Variants in STIL observed in about 807,000 individuals in gnomAD.
The protein encoded by STIL is SCL-interrupting locus protein.
STIL carries 55 observed loss-of-function variants against 110.1 expected under a neutral mutation model. The ratio of observed to expected loss-of-function variants is 0.50; its 90% confidence interval spans 0.40 to 0.63. The LOEUF is 0.63. STIL is among the 20% of genes least tolerant of loss of function. The probability of loss-of-function intolerance (pLI) is 0.00; values close to 1 mark genes in which losing one functional copy is unlikely to be tolerated. For synonymous variants in STIL, 481 were observed against 530.0 expected (o/e 0.91, Z 1.27); for missense variants, 1,358 against 1,530.0 (o/e 0.89, Z 1.87).
chr1:47,309,755 C>T (rs1303516973), intron 2 of STIL, among the ~76,000 whole-genome samples: 1 of 152,158 alleles, frequency 6.6e-6, no homozygotes, highest in Non-Finnish European at 1.5e-5. Context: ...GTGGCAAGCT[C>T]CTACTTCACT....
At chr1:47,263,210 G>T in intron 14 of STIL, 94 bp from the exon 15 acceptor site, 1 of 1,152,958 alleles carries the variant, frequency 8.7e-7, no homozygotes, top group Non-Finnish European at 1.3e-6. Context: ...GACTCAAGCA[G>T]CACCTGGTTG....
At chr1:47,276,597 CAGG>C (rs1644998527) in intron 12 of STIL, among the ~76,000 whole-genome samples, 1 of 151,652 alleles carries the variant, frequency 6.6e-6, no homozygotes, top group African/African-American at 2.4e-5. Context: ...CACCTGAGGT[CAGG>C]AGTTCGAGAT....
At chr1:47,282,483 G>T in intron 10 of STIL, 24 bp from the exon 11 acceptor site, 1 of 1,440,852 alleles carries the variant, frequency 6.9e-7, no homozygotes, top group Non-Finnish European at 9.8e-7. Context: ...GGGGAGACCA[G>T]AAAAGCCTTT....
At chr1:47,311,498 G>A (rs1238752979) in intron 1 of STIL, among the ~76,000 whole-genome samples, 1 of 151,360 alleles carries the variant, frequency 6.6e-6, no homozygotes, top group Non-Finnish European at 1.5e-5. Context: ...CGTTGCCCAG[G>A]CTGGTCTCGA....
At chr1:47,281,854 T>TA (rs1645165628) in intron 11 of STIL, among the ~76,000 whole-genome samples, 1 of 152,050 alleles carries the variant, frequency 6.6e-6, no homozygotes, top group African/African-American at 2.4e-5. Context: ...TTGGTAGCAA[T>TA]AAAAAAATTA....
At chr1:47,299,033 C>CCCT (rs1645723894) in intron 6 of STIL, among the ~76,000 whole-genome samples, 1 of 142,212 alleles carries the variant, frequency 7.0e-6, no homozygotes. Context: ...TTTACCACCA[C>CCCT]TTTTTTTTTT....
chr1:47,260,649 G>A (rs1442851256), intron 15 of STIL, 110 bp from the exon 16 acceptor site: 3 of 1,172,152 alleles, frequency 2.6e-6, no homozygotes, highest in Non-Finnish European at 2.5e-6. Flanking sequence ...AAGGCAGGAA[G>A]ATCGCTTGAG....
In STIL at chr1:47,287,734, T is replaced by C. The variant is rs1156693748; in HGVS notation, c.1024-74A>G. 1.2e-5 allele frequency: 14 copies of C among 1,153,398 alleles called. No homozygotes were observed. In the South Asian group the frequency reaches 1.5e-4, roughly 13 times the overall value. The allele number at this position is 1,153,398 out of a possible 1,614,324, so 71.4% of individuals were successfully genotyped here. ...CAGAGAATTCTATTTAGATGAAAAGTAGCTCTGAAACACTAGATGATGGAG... is the reference window on the plus strand; with the variant it reads ...CAGAGAATTCTATTTAGATGAAAAGCAGCTCTGAAACACTAGATGATGGAG... On this transcript the variant is annotated intron_variant, in intron 9 of 16. Transcript: ENST00000371877.
chr1:47,274,553 G>A lies in STIL; in HGVS notation c.2218-2312C>T, dbSNP rs1333880843. Among the ~76,000 whole-genome samples the A allele has an allele frequency of 2.7e-5, 4 of 145,570 alleles. No individual in the cohort carries two copies. The South Asian group carries it at 6.9e-4, about 25-fold the overall frequency. ...AGGATGGTCTCGATCTCTTGACCTC[G>A]TGATCCACCCACCTCAGCCTCCCAA... On this transcript the variant is annotated intron_variant, in intron 12 of 16. Transcript: ENST00000371877.
intron 1 of STIL, among the ~76,000 whole-genome samples, chr1:47,311,718 A>G (rs570444358): frequency 1.3e-5 from 2 of 152,256 alleles, no homozygotes; most frequent in Admixed American, 1.3e-4. Context: ...AGAGTTCCTT[A>G]GGTCCTGCAC....
Position 47,263,076 on chromosome 1 carries a change from C to T in STIL, c.2656G>A (p.Val886Met). Residue 886 changes from valine to methionine, a missense_variant, in exon 15 of 17, where the codon GTG (valine) becomes ATG (methionine). Physicochemically the swap from Val to Met is conservative, Grantham distance 21 (BLOSUM62 1). Coordinates refer to ENST00000371877, the MANE Select transcript of STIL (RefSeq NM_001048166.1). The part of the protein sequence containing the change: ...LVVRKEPDVP[V>M]FFPSGQLAES... ...GCCAGCTGGCCACTTGGAAAGAACA[C>T]AGGTACATCAGGTTCTTTTCTCACA... 6.2e-7 allele frequency: 1 copy of T among 1,614,172 alleles called. No homozygotes were observed.
At chr1:47,277,795 C>G (rs1156385389) in intron 12 of STIL, among the ~76,000 whole-genome samples, 1 of 151,888 alleles carries the variant, frequency 6.6e-6, no homozygotes, top group Admixed American at 6.6e-5. Context: ...GTAACTCATT[C>G]AGATCCTTAG....
intron 14 of STIL, among the ~76,000 whole-genome samples, chr1:47,267,500 T>C (rs963770470): frequency 1.3e-5 from 2 of 150,928 alleles, no homozygotes; most frequent in Admixed American, 1.3e-4. Context: ...AGGTCAGGAG[T>C]TCAAGACCAC....
chr1:47,259,641 T>C (rs1277460540), intron 16 of STIL, among the ~76,000 whole-genome samples: 1 of 152,170 alleles, frequency 6.6e-6, no homozygotes, highest in Non-Finnish European at 1.5e-5. Flanking sequence ...GTTGTGGCTT[T>C]TGCATTTTAT....
chr1:47,278,832 A>G (rs1343442388), intron 12 of STIL, among the ~76,000 whole-genome samples: 1 of 152,152 alleles, frequency 6.6e-6, no homozygotes, highest in South Asian at 2.1e-4. Flanking sequence ...AAAAAAAACT[A>G]TACTTTACAA....
At chr1:47,309,968 T>C (rs955796511) in intron 2 of STIL, among the ~76,000 whole-genome samples, 2 of 152,176 alleles carry the variant, frequency 1.3e-5, no homozygotes, top group Non-Finnish European at 2.9e-5. Flanking sequence ...CGAAAATAAT[T>C]GAAGGAGGGA....
chr1:47,254,791 TC>T (rs1485160308), intron 16 of STIL, among the ~76,000 whole-genome samples: 1 of 152,204 alleles, frequency 6.6e-6, no homozygotes, highest in Non-Finnish European at 1.5e-5. Context: ...CATCTTGGCC[TC>T]CCAAAGTGCT....
intron 13 of STIL, among the ~76,000 whole-genome samples, chr1:47,270,255 T>A (rs2981632): frequency 1.7e-5 from 2 of 119,398 alleles, no homozygotes; most frequent in East Asian, 4.9e-4. Flanking sequence ...TATATATATA[T>A]ACACACACAC....
rs146856834 is a variant in STIL, at chr1:47,299,305, C to A, written c.701+600G>T. Among the ~76,000 whole-genome samples the A allele has an allele frequency of 1.4e-4, 22 of 151,894 alleles. No individual in the cohort carries two copies. In the East Asian group the frequency reaches 4.2e-3, roughly 29 times the overall value. On this transcript the variant is annotated intron_variant, in intron 6 of 16. Transcript: ENST00000371877. ...GAGGTTACAGTGAGCCAAGATCCCA[C>A]CACTGCACTCCAGTCTGGGTGACAG... is the stretch of plus-strand genomic sequence containing the variant.
Sources: gnomAD v4.1 joint callset for allele counts (sites outside exome capture counted in the v4.1 genomes callset) on GRCh38, gnomAD v4.1.1 for gene constraint, MANE v1.5 for transcripts, NCBI Gene and HGNC (gene_info 2026-07-23, HGNC 2026-07-21) for gene names.